MAP3K13: variants seen among roughly 807,000 people sequenced by gnomAD.
MAP3K13 encodes leucine zipper-bearing kinase.
MAP3K13 carries 52 observed loss-of-function variants against 104.0 expected under a neutral mutation model. The ratio of observed to expected loss-of-function variants is 0.50; its 90% CI spans 0.40 to 0.63. The LOEUF (loss-of-function observed/expected upper bound fraction) is 0.63. Among genes scored for constraint, MAP3K13 ranks in the 20% least tolerant of loss-of-function variants. MAP3K13 has a pLI of 0.00. For synonymous variants in MAP3K13, 394 were observed against 442.2 expected (o/e 0.89, Z 1.37); for missense variants, 914 against 1,218.5 (o/e 0.75, Z 3.72).
chr3:185,397,023 G>A (rs772195667), intron 1 of MAP3K13, among the ~76,000 whole-genome samples: 4 of 134,208 alleles, frequency 3.0e-5, no homozygotes, highest in East Asian at 2.2e-4. Flanking sequence ...CCTGCTTTTC[G>A]TATTCATTCT....
intron 10 of MAP3K13, among the ~76,000 whole-genome samples, chr3:185,469,673 T>TA (rs1717663219): frequency 6.6e-6 from 1 of 152,192 alleles, no homozygotes; most frequent in Non-Finnish European, 1.5e-5. Flanking sequence ...GCTGCCTACT[T>TA]ATGAGCTGTG....
At chr3:185,321,349 A>G (rs1009915999) in intron 2 of MAP3K13, among the ~76,000 whole-genome samples, 1 of 152,230 alleles carries the variant, frequency 6.6e-6, no homozygotes, top group Non-Finnish European at 1.5e-5. Context: ...ATTCAACACT[A>G]TCAAATAGCA....
At chr3:185,313,269 GTTTTTTTT>G (rs34876743) in intron 2 of MAP3K13, among the ~76,000 whole-genome samples, 4 of 116,588 alleles carry the variant, frequency 3.4e-5, no homozygotes, top group Non-Finnish European at 5.5e-5. Context: ...AATAGTACAA[GTTTTTTTT>G]TTTTTTTTTT....
Position 185,482,970 on chromosome 3 carries a change from A to G in MAP3K13, c.*514A>G, listed in dbSNP as rs367665473. ...GTGACTAAAGAAGAGCCAGAGCAAG[A>G]CATTGAACATTTTAGAACACAAAGA... On this transcript the variant is annotated 3_prime_UTR_variant, in exon 14 of 14. Coordinates refer to ENST00000265026, the MANE Select transcript of MAP3K13 (RefSeq NM_004721.5). The surrounding 1 kb of genome is among the most constrained non-coding windows in gnomAD (Gnocchi z 4.5). 14 of 232,466 alleles carry G rather than the reference A, an allele frequency of 6.0e-5. No individual in the cohort carries two copies. The highest frequency in any genetic ancestry group is 2.4e-4 in the East Asian group (4 of 16,388). 14.4% of individuals were successfully genotyped at this position (232,466 alleles called of 1,614,324 possible).
chr3:185,408,217 T>C (rs973789676), intron 1 of MAP3K13, among the ~76,000 whole-genome samples: 2 of 152,176 alleles, frequency 1.3e-5, no homozygotes, highest in East Asian at 3.8e-4. Flanking sequence ...ACTTATTTCA[T>C]GAGAGAAACC....
chr3:185,418,419 T>A lies in MAP3K13; in HGVS notation c.-85-10078T>A. The A allele has an allele frequency of 6.2e-7, 1 of 1,608,112 alleles. No individual in the cohort carries two copies. The highest frequency in any genetic ancestry group is 1.7e-5 in the Admixed American group (1 of 59,990). On this transcript the variant is annotated intron_variant, in intron 1 of 13. Coordinates refer to ENST00000265026, the MANE Select transcript of MAP3K13 (RefSeq NM_004721.5). The surrounding 1 kb of genome is among the most constrained non-coding windows in gnomAD (Gnocchi z 4.5). ...CCAGGGCAGAACAGATGGCATATCG[T>A]TTTTGGGTTGTGTTCACTCTACGAT...
At chr3:185,325,499 G>T (rs547505304) in intron 2 of MAP3K13, among the ~76,000 whole-genome samples, 1 of 152,134 alleles carries the variant, frequency 6.6e-6, no homozygotes, top group East Asian at 1.9e-4. Context: ...CACGTGTGTC[G>T]CTTTGCATCC....
chr3:185,474,386 C>T (rs1717988616), intron 11 of MAP3K13, among the ~76,000 whole-genome samples: 2 of 152,120 alleles, frequency 1.3e-5, no homozygotes, highest in East Asian at 1.9e-4. Flanking sequence ...AGTTTGGAAA[C>T]TACTATGCTA....
At position 185,480,273 on chromosome 3, in the gene MAP3K13, T is replaced by C; in HGVS notation, c.2543T>C (p.Phe848Ser). 1 of 1,614,156 alleles carries C rather than the reference T, an allele frequency of 6.2e-7. No homozygotes were observed. The highest frequency in any genetic ancestry group is 8.5e-7 in the Non-Finnish European group (1 of 1,180,026). ...CISSCQSYST[F>S]SSENFSVSDG... ...AGCAGCTGCCAGTCATATTCAACCT[T>C]TAGCTCTGAGAATTTCTCTGTGTCT... is the stretch of plus-strand genomic sequence containing the variant. Residue 848 changes from phenylalanine to serine, a missense_variant, in exon 13 of 14, where the codon TTT becomes TCT. Transcript: ENST00000265026.
intron 2 of MAP3K13, among the ~76,000 whole-genome samples, chr3:185,294,514 T>C (rs1057100346): frequency 6.6e-6 from 1 of 152,242 alleles, no homozygotes; most frequent in Non-Finnish European, 1.5e-5. Context: ...TGAATATTTA[T>C]CAGAAGATGT....
chr3:185,391,762 A>G (rs976850012), intron 1 of MAP3K13, among the ~76,000 whole-genome samples: 1 of 152,006 alleles, frequency 6.6e-6, no homozygotes, highest in Admixed American at 6.6e-5. Context: ...CCTTTTCCCT[A>G]TCATAAAGTA....
chr3:185,379,065 G>A lies in MAP3K13; in HGVS notation c.-86+15697G>A, dbSNP rs574093220. The stretch of plus-strand genomic sequence containing the variant: ...AGTTTAAAGAGAAGGGTAGAGACAC[G>A]GAGAAAGGGGGCGGGCAGCAGCCCC... On this transcript the variant is annotated intron_variant, in intron 1 of 13. Coordinates refer to ENST00000265026, the MANE Select transcript of MAP3K13 (RefSeq NM_004721.5). Among the ~76,000 whole-genome samples, 8 of 152,308 alleles carry A rather than the reference G, an allele frequency of 5.3e-5. No individual in the cohort carries two copies. In the East Asian group the frequency reaches 7.7e-4, roughly 15 times the overall value.
At chr3:185,362,138 T>C (rs1366859264), upstream of MAP3K13, among the ~76,000 whole-genome samples, 3 of 152,234 alleles carry the variant, frequency 2.0e-5, no homozygotes, top group Admixed American at 2.0e-4. Context: ...AGGCTTTATA[T>C]TAACCACGAT....
intron 1 of MAP3K13, among the ~76,000 whole-genome samples, chr3:185,384,245 A>T (rs2108761876): frequency 6.6e-6 from 1 of 152,068 alleles, no homozygotes; most frequent in Non-Finnish European, 1.5e-5. Flanking sequence ...AATGACCTCC[A>T]GCTCTACCTC....
At chr3:185,365,365 G>C (rs1723820174) in intron 1 of MAP3K13, among the ~76,000 whole-genome samples, 1 of 152,164 alleles carries the variant, frequency 6.6e-6, no homozygotes, top group African/African-American at 2.4e-5. Context: ...AATTTATTTA[G>C]TAAACAAAGT....
rs776736664 is a variant in MAP3K13, at chr3:185,480,326, C to A, written c.2596C>A (p.His866Asn). 1.2e-6 allele frequency: 2 copies of A among 1,614,028 alleles called. No individual in the cohort carries two copies. The highest frequency in any genetic ancestry group is 2.7e-5 in the African/African-American group (2 of 74,912). ...TGGAGAAGAGGGAAATACCAGTGAC[C>A]ACTCAAACAGTCCTGATGAGTTAGC... Reference protein sequence around the residue: ...SDGEEGNTSDHSNSPDELADK... With the variant: ...SDGEEGNTSDNSNSPDELADK... The change falls in exon 13 of 14, where the codon CAC (histidine) becomes AAC (asparagine). Residue 866 changes from histidine to asparagine, a missense_variant. Physicochemically the swap from His to Asn is moderately conservative, Grantham distance 68. Around this residue, in one of 3 missense-constraint regions of MAP3K13, gnomAD observed 583 missense variants for 737.4 expected, o/e 0.79. Coordinates refer to ENST00000265026, the MANE Select transcript of MAP3K13 (RefSeq NM_004721.5).
At chr3:185,370,426 C>T (rs1464427088) in intron 1 of MAP3K13, among the ~76,000 whole-genome samples, 1 of 151,738 alleles carries the variant, frequency 6.6e-6, no homozygotes, top group Non-Finnish European at 1.5e-5. Context: ...GAACTCCTGA[C>T]CTCAAGTGAT....
chr3:185,434,554 G>T (rs1269323247), intron 2 of MAP3K13, among the ~76,000 whole-genome samples: 1 of 152,126 alleles, frequency 6.6e-6, no homozygotes, highest in Non-Finnish European at 1.5e-5. Context: ...AGAGGGTACA[G>T]AACAACTATT....
intron 2 of MAP3K13, among the ~76,000 whole-genome samples, chr3:185,313,829 C>A (rs1374287969): frequency 6.6e-6 from 1 of 152,244 alleles, no homozygotes; most frequent in South Asian, 2.1e-4. Flanking sequence ...AACTGGCTAC[C>A]TTCTCTACTT....
Sources: allele counts gnomAD v4.1 joint callset (sites outside exome capture counted in the v4.1 genomes callset), GRCh38; gene constraint gnomAD v4.1.1; regional missense constraint gnomAD v4.1.1; non-coding constraint Gnocchi (gnomAD v3.1); transcripts MANE v1.5; gene names NCBI Gene and HGNC (gene_info 2026-07-23, HGNC 2026-07-21).